Variants in ASAP1 observed in about 807,000 individuals in gnomAD.
ASAP1 encodes the protein arf-GAP with SH3 domain, ANK repeat and PH domain-containing protein 1.
In ASAP1, 43 loss-of-function variants were observed where a neutral mutation model predicts 145.2. The observed-to-expected ratio is 0.30, with a 90% confidence interval of 0.23 to 0.38. The LOEUF (loss-of-function observed/expected upper bound fraction) is 0.38, where lower values mean the gene tolerates loss of function less well. Ranked by LOEUF, ASAP1 falls within the 10% of genes least tolerant of loss-of-function variation. The pLI, the probability that ASAP1 is intolerant of heterozygous loss-of-function variation, is 1.00. For missense variants in ASAP1, 1,018 were observed against 1,355.3 expected, an observed-to-expected ratio of 0.75 and a Z score of 3.91; for synonymous variants, 546 against 515.5, an observed-to-expected ratio of 1.06 and a Z score of -0.80.
intron 9 of ASAP1, among the ~76,000 whole-genome samples, chr8:130,176,990 G>A (rs541981322): frequency 2.0e-5 from 3 of 152,050 alleles, no homozygotes; most frequent in East Asian, 1.9e-4. Flanking sequence ...GCGCCCAGCC[G>A]TCTCTCTTCC....
At chr8:130,091,062 GT>G (rs2097504421) in intron 25 of ASAP1, among the ~76,000 whole-genome samples, 1 of 152,208 alleles carries the variant, frequency 6.6e-6, no homozygotes, top group Admixed American at 6.5e-5. Flanking sequence ...TGGGAATTAT[GT>G]CCCTTGTAGA....
At chr8:130,104,852 G>C (rs1206732061) in intron 24 of ASAP1, among the ~76,000 whole-genome samples, 1 of 151,832 alleles carries the variant, frequency 6.6e-6, no homozygotes, top group East Asian at 1.9e-4. Context: ...AAGTATAACT[G>C]AAGTTTCAAA....
At chr8:130,195,729 A>G (rs1304574339) in intron 5 of ASAP1, among the ~76,000 whole-genome samples, 1 of 152,206 alleles carries the variant, frequency 6.6e-6, no homozygotes, top group Non-Finnish European at 1.5e-5. Flanking sequence ...TTAAGGAAGC[A>G]AGTGACTGTA....
chr8:130,407,245 C>T (rs1829071610), intron 1 of ASAP1, among the ~76,000 whole-genome samples: 1 of 152,196 alleles, frequency 6.6e-6, no homozygotes, highest in Admixed American at 6.5e-5. Context: ...ACCTCAGGCT[C>T]AATCCCACTA....
chr8:130,291,343 C>A (rs941721514), intron 3 of ASAP1, among the ~76,000 whole-genome samples: 2 of 152,150 alleles, frequency 1.3e-5, no homozygotes, highest in Non-Finnish European at 2.9e-5. Flanking sequence ...TCTGTAAGAC[C>A]TAGGCCAGAC....
chr8:130,249,293 C>T (rs1157155248), intron 3 of ASAP1, among the ~76,000 whole-genome samples: 1 of 152,162 alleles, frequency 6.6e-6, no homozygotes, highest in Admixed American at 6.5e-5. Context: ...TCTGCCTCAC[C>T]TCAATCTACT....
At chr8:130,403,595 C>T (rs945185907) in intron 1 of ASAP1, among the ~76,000 whole-genome samples, 1 of 148,514 alleles carries the variant, frequency 6.7e-6, no homozygotes, top group Non-Finnish European at 1.5e-5. Context: ...ACTCGTTGCC[C>T]AGACTGGAGT....
intron 3 of ASAP1, among the ~76,000 whole-genome samples, chr8:130,334,517 T>C (rs993759674): frequency 5.9e-5 from 9 of 152,202 alleles, no homozygotes; most frequent in African/African-American, 1.9e-4. Flanking sequence ...CTTTATGCCA[T>C]GAAACAAATA....
intron 3 of ASAP1, among the ~76,000 whole-genome samples, chr8:130,320,828 T>C (rs768261214): frequency 3.9e-5 from 6 of 152,172 alleles, no homozygotes; most frequent in African/African-American, 7.2e-5. Context: ...CCCAAACCAC[T>C]GATCAGATCA....
At position 130,402,013 on chromosome 8, in the gene ASAP1, T is replaced by C. The variant is rs1306101985; in HGVS notation, c.-27-43A>G. The C allele has an allele frequency of 3.8e-6, 5 of 1,321,228 alleles. No individual in the cohort carries two copies. The Middle Eastern group carries it at 9.6e-4, about 253-fold the overall frequency. The allele number at this position is 1,321,228 out of a possible 1,614,324, so 81.8% of individuals were successfully genotyped here. A position where few individuals can be genotyped will look rare whatever the true frequency, so the allele number is the denominator to read the frequency against. On this transcript the variant is annotated intron_variant, in intron 1 of 29. Coordinates refer to ENST00000518721, the MANE Select transcript of ASAP1 (RefSeq NM_018482.4). ...CAAAAAGGGGACAAGAGTCATCCGG[T>C]GAAACTGGGCAGAAGACATTGTCTC...
At position 130,136,985 on chromosome 8, in the gene ASAP1, A is replaced by G. The variant is rs749850374; in HGVS notation, c.1134T>C (p.Asn378=). ...LNLLTCQVKP[N]AEDKKSFDLI... ...GGTCAAAAGATTTTTTGTCTTCGGCATTAGGTTTTACTTGGCAGGTGAGAA... is the reference window on the plus strand; with the variant it reads ...GGTCAAAAGATTTTTTGTCTTCGGCGTTAGGTTTTACTTGGCAGGTGAGAA... The change falls in exon 14 of 30, where the codon AAT becomes AAC. Residue 378 remains asparagine (N), a synonymous_variant. Transcript: ENST00000518721. 2.5e-6 allele frequency: 4 copies of G among 1,614,244 alleles called. No individual in the cohort carries two copies. The highest frequency in any genetic ancestry group is 2.5e-6 in the Non-Finnish European group (3 of 1,180,036).
intron 3 of ASAP1, among the ~76,000 whole-genome samples, chr8:130,260,008 T>G (rs948618661): frequency 6.6e-6 from 1 of 152,216 alleles, no homozygotes; most frequent in African/African-American, 2.4e-5. Context: ...ATAAAGAATA[T>G]GTTAACTTCC....
chr8:130,312,518 G>T (rs1202716203), intron 3 of ASAP1, among the ~76,000 whole-genome samples: 1 of 152,074 alleles, frequency 6.6e-6, no homozygotes, highest in Non-Finnish European at 1.5e-5. Flanking sequence ...ACTCCAGGGG[G>T]CCTTCTCTCC....
At chr8:130,116,623 G>A (rs556926533) in intron 22 of ASAP1, 55 bp downstream of exon 22, 8 of 1,452,734 alleles carry the variant, frequency 5.5e-6, no homozygotes, top group Admixed American at 1.8e-5. Context: ...TTCTCAGAAT[G>A]ACACTTTTAA....
intron 3 of ASAP1, among the ~76,000 whole-genome samples, chr8:130,309,215 C>T (rs1459038283): frequency 5.3e-5 from 8 of 152,096 alleles, no homozygotes; most frequent in Non-Finnish European, 8.8e-5. Context: ...TCCCTTTTTA[C>T]GAAATTCAGT....
At chr8:130,344,630 G>C (rs1472377102) in intron 3 of ASAP1, among the ~76,000 whole-genome samples, 1 of 152,202 alleles carries the variant, frequency 6.6e-6, no homozygotes, top group Non-Finnish European at 1.5e-5. Flanking sequence ...CCAACATTTT[G>C]GGAGGCTGAA....
chr8:130,134,814 A>G (rs1480721273), intron 14 of ASAP1, among the ~76,000 whole-genome samples: 1 of 152,198 alleles, frequency 6.6e-6, no homozygotes, highest in Non-Finnish European at 1.5e-5. Flanking sequence ...TTTTCAATTC[A>G]ATTGTTACTG....
At chr8:130,340,290 G>T (rs1003729378) in intron 3 of ASAP1, among the ~76,000 whole-genome samples, 1 of 152,166 alleles carries the variant, frequency 6.6e-6, no homozygotes, top group South Asian at 2.1e-4. Context: ...GTCTCTGAGA[G>T]GAAGAAGACA....
intron 3 of ASAP1, among the ~76,000 whole-genome samples, chr8:130,314,884 T>C (rs571035795): frequency 1.3e-5 from 2 of 152,340 alleles, no homozygotes; most frequent in African/African-American, 4.8e-5. Context: ...TAACATTCAT[T>C]TGCTTACTCT....
Sources: allele counts gnomAD v4.1 joint callset (sites outside exome capture counted in the v4.1 genomes callset), GRCh38; gene constraint gnomAD v4.1.1; transcripts MANE v1.5; gene names NCBI Gene and HGNC (gene_info 2026-07-23, HGNC 2026-07-21).